LYPD6: variants seen among roughly 807,000 people sequenced by gnomAD.
LYPD6 encodes the protein LY6/PLAUR domain containing 6.
A neutral mutation model predicts 22.7 loss-of-function variants in LYPD6; 15 were observed. The ratio of observed to expected loss-of-function variants is 0.66; its 90% CI spans 0.44 to 1.02. The LOEUF is 1.02. Ranked by LOEUF, LYPD6 falls within the 50% of genes least tolerant of loss-of-function variation. The probability of loss-of-function intolerance (pLI) is 0.00; values close to 1 mark genes in which losing one functional copy is unlikely to be tolerated. For missense variants in LYPD6, 189 were observed against 208.4 expected, an observed-to-expected ratio of 0.91 and a Z score of 0.57; for synonymous variants, 72 against 77.5, an observed-to-expected ratio of 0.93 and a Z score of 0.37.
rs372893639 is a variant in LYPD6, at chr2:149,460,789, C to T, written c.218-7856C>T. Among the ~76,000 whole-genome samples the T allele has an allele frequency of 2.8e-4, 42 of 152,126 alleles. No homozygotes were observed. The East Asian group carries it at 7.7e-3, about 28-fold the overall frequency. ...AAATTGAAATCATACAGAGTGTTTT[C>T]TGACACAATAGAATTAAACTAGAGA... is the stretch of plus-strand genomic sequence containing the variant. On this transcript the variant is annotated intron_variant, in intron 3 of 4. Coordinates refer to ENST00000334166, the MANE Select transcript of LYPD6 (RefSeq NM_194317.5).
chr2:149,443,965 G>A (rs1173748803), intron 2 of LYPD6, among the ~76,000 whole-genome samples: 4 of 144,346 alleles, frequency 2.8e-5, no homozygotes, highest in African/African-American at 1.1e-4. Context: ...GCAGGGCTTG[G>A]CTCTGTGGCC....
chr2:149,426,055 A>G (rs796573055), intron 1 of LYPD6, among the ~76,000 whole-genome samples: 1 of 152,238 alleles, frequency 6.6e-6, no homozygotes, highest in East Asian at 1.9e-4. Context: ...TTGGCTGCTA[A>G]TGAACCCAGT....
At position 149,409,876 on chromosome 2, in the gene LYPD6, A is replaced by G. The variant is rs75688509; in HGVS notation, c.-71-27762A>G. On this transcript the variant is annotated intron_variant, in intron 1 of 4. Transcript: ENST00000334166. ...GAGCCATCGAGAAAAGAAGCAGCAGAATCACAGTTTTTCAGCATCTTAGGG... is the reference window on the plus strand; with the variant it reads ...GAGCCATCGAGAAAAGAAGCAGCAGGATCACAGTTTTTCAGCATCTTAGGG... Among the ~76,000 whole-genome samples the G allele has an allele frequency of 8.0e-3, 1,213 of 152,180 alleles. 10 individuals carry two copies. The highest frequency in any genetic ancestry group is 0.012 in the Non-Finnish European group (831 of 67,996).
rs561253711 is a variant in LYPD6 at position 149,348,806 on chromosome 2, G to A, written c.-72+18084G>A. Among the ~76,000 whole-genome samples, 18 of 152,302 alleles carry A rather than the reference G, an allele frequency of 1.2e-4. 1 individual carries two copies. The highest frequency in any genetic ancestry group is 4.1e-4 in the African/African-American group (17 of 41,574). On this transcript the variant is annotated intron_variant, in intron 1 of 4. Transcript: ENST00000334166. ...TGTGAGAATAAATATAGGAAGGCAAGGTTGGAAAGAGGGAGACTAAATAAG... is the reference window on the plus strand; with the variant it reads ...TGTGAGAATAAATATAGGAAGGCAAAGTTGGAAAGAGGGAGACTAAATAAG...
chr2:149,350,560 A>T (rs1320536109), intron 1 of LYPD6, among the ~76,000 whole-genome samples: 1 of 151,926 alleles, frequency 6.6e-6, no homozygotes, highest in Admixed American at 6.6e-5. Context: ...AACCCTGTGG[A>T]CTCTCTAGTG....
chr2:149,410,620 A>T (rs755019410), intron 1 of LYPD6, among the ~76,000 whole-genome samples: 6 of 152,216 alleles, frequency 3.9e-5, no homozygotes, highest in Non-Finnish European at 8.8e-5. Context: ...AATAGAAAAA[A>T]AAAAGAGTGC....
At chr2:149,482,540 G>A in the LYPD6 span, among the ~76,000 whole-genome samples, 3 of 152,134 alleles carry the variant, frequency 2.0e-5, no homozygotes, top group Admixed American at 2.0e-4. Context: ...AGTCAGACCT[G>A]TCCTTTCTCA....
chr2:149,402,447 A>G (rs768445483), intron 1 of LYPD6, among the ~76,000 whole-genome samples: 15 of 152,282 alleles, frequency 9.9e-5, no homozygotes, highest in Non-Finnish European at 1.9e-4. Flanking sequence ...TTTTTAGTTC[A>G]CTTAGGAATC....
At chr2:149,400,557 G>A (rs1461491519) in intron 1 of LYPD6, among the ~76,000 whole-genome samples, 1 of 152,276 alleles carries the variant, frequency 6.6e-6, no homozygotes, top group Middle Eastern at 3.4e-3. Flanking sequence ...TTTTTTGGAG[G>A]AAACTGCAAA....
intron 1 of LYPD6, among the ~76,000 whole-genome samples, chr2:149,366,693 G>T (rs1681675028): frequency 6.6e-6 from 1 of 152,128 alleles, no homozygotes; most frequent in Non-Finnish European, 1.5e-5. Context: ...AGTCAAGCAA[G>T]ATTTTAAATC....
intron 1 of LYPD6, among the ~76,000 whole-genome samples, chr2:149,427,943 T>C (rs988454180): frequency 1.6e-4 from 24 of 152,252 alleles, no homozygotes; most frequent in African/African-American, 5.5e-4. Context: ...GCAAGACAGC[T>C]TTTCCCTATA....
At chr2:149,343,358 G>T (rs1442677940) in intron 1 of LYPD6, among the ~76,000 whole-genome samples, 1 of 152,168 alleles carries the variant, frequency 6.6e-6, no homozygotes, top group Non-Finnish European at 1.5e-5. Flanking sequence ...GATCCTATCT[G>T]ATTCCTGTCC....
intron 1 of LYPD6, among the ~76,000 whole-genome samples, chr2:149,400,775 A>G (rs1323734987): frequency 2.0e-5 from 3 of 152,236 alleles, no homozygotes; most frequent in Non-Finnish European, 4.4e-5. Flanking sequence ...CAGCATATGC[A>G]AACAAATAGT....
chr2:149,348,690 T>G (rs542593375), intron 1 of LYPD6, among the ~76,000 whole-genome samples: 45 of 152,378 alleles, frequency 3.0e-4, no homozygotes, highest in African/African-American at 9.4e-4. Context: ...TCCCCCACTC[T>G]CTTCCTTCCT....
intron 3 of LYPD6, among the ~76,000 whole-genome samples, chr2:149,456,126 C>T (rs73964444): frequency 0.017 from 2,612 of 152,262 alleles, 88 homozygotes; most frequent in African/African-American, 0.06. Flanking sequence ...AAACAATAAT[C>T]TGGTGCCTGA....
chr2:149,467,636 A>G (rs1036462800), intron 3 of LYPD6, among the ~76,000 whole-genome samples: 3 of 152,190 alleles, frequency 2.0e-5, no homozygotes, highest in Non-Finnish European at 2.9e-5. Context: ...TCATAATTCC[A>G]TATTAGCCAC....
At chr2:149,359,493 CAT>C (rs1249609902) in intron 1 of LYPD6, among the ~76,000 whole-genome samples, 3 of 152,178 alleles carry the variant, frequency 2.0e-5, no homozygotes, top group Admixed American at 6.5e-5. Context: ...ATATTAGACA[CAT>C]ATAAACATTA....
chr2:149,409,654 C>T (rs1045872214), intron 1 of LYPD6, among the ~76,000 whole-genome samples: 7 of 152,054 alleles, frequency 4.6e-5, no homozygotes, highest in Admixed American at 4.6e-4. Flanking sequence ...GTATGGTTCC[C>T]AGTCCAGTGG....
chr2:149,421,427 T>A (rs1047059636), intron 1 of LYPD6, among the ~76,000 whole-genome samples: 1 of 151,772 alleles, frequency 6.6e-6, no homozygotes, highest in Non-Finnish European at 1.5e-5. Flanking sequence ...TTTTTATTTC[T>A]TGATGTCCCA....
Sources: gnomAD v4.1 joint callset for allele counts (sites outside exome capture counted in the v4.1 genomes callset) on GRCh38, gnomAD v4.1.1 for gene constraint, MANE v1.5 for transcripts, NCBI Gene and HGNC (gene_info 2026-07-23, HGNC 2026-07-21) for gene names.